Variants in CAMKK2 observed in about 807,000 individuals in gnomAD.
CAMKK2 encodes the protein calcium/calmodulin-dependent protein kinase kinase 2.
CAMKK2 carries 30 observed loss-of-function variants against 67.2 expected under a neutral mutation model. The ratio of observed to expected loss-of-function variants is 0.45; its 90% CI spans 0.33 to 0.61. CAMKK2 has a LOEUF of 0.61. Among genes scored for constraint, CAMKK2 ranks in the 20% least tolerant of loss-of-function variants. The pLI is 0.02. For synonymous variants in CAMKK2, 322 were observed against 326.2 expected (o/e 0.99, Z 0.14); for missense variants, 643 against 802.0 (o/e 0.80, Z 2.39).
At chr12:121,292,453 C>T (rs573245957) in intron 1 of CAMKK2, among the ~76,000 whole-genome samples, 1 of 152,244 alleles carries the variant, frequency 6.6e-6, no homozygotes, top group East Asian at 1.9e-4. Context: ...TAAAAAGAAG[C>T]CCTTACGAAT....
intron 1 of CAMKK2, among the ~76,000 whole-genome samples, chr12:121,280,258 A>G (rs1359237250): frequency 6.6e-6 from 1 of 152,252 alleles, no homozygotes; most frequent in Non-Finnish European, 1.5e-5. Context: ...CTTTACTGCA[A>G]TCTCTAAACA....
At position 121,285,621 on chromosome 12, in the gene CAMKK2, C is replaced by T. The variant is rs929214801; in HGVS notation, c.-60+11017G>A. ...CCCAGGAGTTTGAGACCAGCCTGGGCAACATGGCGAGACCTCATCGCTACA... is the reference window on the plus strand; with the variant it reads ...CCCAGGAGTTTGAGACCAGCCTGGGTAACATGGCGAGACCTCATCGCTACA... On this transcript the variant is annotated intron_variant, in intron 1 of 16. Transcript: ENST00000404169. This position sits in a 1 kb window ranked among gnomAD's most constrained non-coding sequence, Gnocchi z 4.1. Among the ~76,000 whole-genome samples, 7 of 152,002 alleles carry T rather than the reference C, an allele frequency of 4.6e-5. No homozygotes were observed. Among genetic ancestry groups the T allele is most frequent in the African/African-American group, 1.7e-4 (7 of 41,380 alleles).
At chr12:121,270,788 C>T in intron 3 of CAMKK2, 110 bp downstream of exon 3, 2 of 772,942 alleles carry the variant, frequency 2.6e-6, no homozygotes, top group Non-Finnish European at 4.4e-6. Flanking sequence ...TCTCCACCAA[C>T]CTCGCCTTCA....
intron 6 of CAMKK2, among the ~76,000 whole-genome samples, chr12:121,261,148 C>A (rs1417006794): frequency 2.0e-5 from 3 of 152,070 alleles, no homozygotes; most frequent in African/African-American, 7.2e-5. Context: ...CAGGCTACAT[C>A]CACCTTGATT....
At chr12:121,288,309 C>T (rs1899194186) in intron 1 of CAMKK2, among the ~76,000 whole-genome samples, 1 of 152,178 alleles carries the variant, frequency 6.6e-6, no homozygotes, top group African/African-American at 2.4e-5. Context: ...GGTGCCTGGG[C>T]TACCCACGGC....
chr12:121,248,528 T>C, intron 14 of CAMKK2, 78 bp downstream of exon 14: 1 of 1,562,346 alleles, frequency 6.4e-7, no homozygotes, highest in South Asian at 1.1e-5. Context: ...GGCACCCGCC[T>C]GTGTCCGGCC....
rs1159786192 is a variant in CAMKK2 at position 121,255,532 on chromosome 12, C to T, written c.907+18G>A. 1.3e-6 allele frequency: 2 copies of T among 1,598,284 alleles called. No homozygotes were observed. The highest frequency in any genetic ancestry group is 2.2e-5 in the East Asian group (1 of 44,668). ...TAACTACCCACTGGGTGAGAGCCCT[C>T]CCGCAGGCCCTGCTCACAGTACTCG... On this transcript the variant is annotated intron_variant, in intron 9 of 16. Coordinates refer to ENST00000404169, the MANE Select transcript of CAMKK2 (RefSeq NM_001270485.2).
chr12:121,242,046 C>T (rs376305791), intron 16 of CAMKK2, among the ~76,000 whole-genome samples: 2 of 152,056 alleles, frequency 1.3e-5, no homozygotes, highest in Non-Finnish European at 2.9e-5. Flanking sequence ...CTCATTGAAA[C>T]GAAGGCCGGG....
chr12:121,253,579 C>T lies in CAMKK2; in HGVS notation c.908-107G>A. ...CACAGGCATGGCACCCCTCTGATGC[C>T]TTGTCTCCCACAGCCCCAGGCCTTT... On this transcript the variant is annotated intron_variant, in intron 9 of 16. Transcript: ENST00000404169. This position sits in a 1 kb window ranked among gnomAD's most constrained non-coding sequence, Gnocchi z 5.0. 1 of 929,736 alleles carries T rather than the reference C, an allele frequency of 1.1e-6. No homozygotes were observed. Among genetic ancestry groups the T allele is most frequent in the South Asian group, 1.4e-5 (1 of 72,372 alleles). 57.6% of individuals were successfully genotyped at this position (929,736 alleles called of 1,614,324 possible). A position where few individuals can be genotyped will look rare whatever the true frequency, so the allele number is the denominator to read the frequency against.
chr12:121,288,701 G>A (rs1899300088), intron 1 of CAMKK2, among the ~76,000 whole-genome samples: 1 of 152,076 alleles, frequency 6.6e-6, no homozygotes, highest in South Asian at 2.1e-4. Context: ...CGTGGGCAGA[G>A]GGGCAACACC....
chr12:121,264,471 T>C (rs1894104475), intron 5 of CAMKK2, among the ~76,000 whole-genome samples: 1 of 151,996 alleles, frequency 6.6e-6, no homozygotes, highest in East Asian at 1.9e-4. Context: ...ACCCTGACTC[T>C]ATAAAAATCA....
intron 1 of CAMKK2, among the ~76,000 whole-genome samples, chr12:121,274,805 C>CTTTTTTTTTTTTTTTTTTTTTTTTTTT (rs140150523): frequency 7.5e-6 from 1 of 132,918 alleles, no homozygotes; most frequent in African/African-American, 2.8e-5. Flanking sequence ...CTTTTTTTTT[C>CTTTTTTTTTTTTTTTTTTTTTTTTTTT]TTTTTTTTTT....
At position 121,260,865 on chromosome 12, in the gene CAMKK2, A is replaced by G. The variant is rs963692740; in HGVS notation, c.760-510T>C. ...CTACTCAGGAGGCTGAGGCAGGAGA[A>G]TCGCTTGAACCTGGGAGGCAGAGGT... On this transcript the variant is annotated intron_variant, in intron 6 of 16. Transcript: ENST00000404169. 4.0e-5 allele frequency among the ~76,000 whole-genome samples: 6 copies of G among 151,744 alleles called. No homozygotes were observed. The East Asian group carries it at 1.2e-3, about 29-fold the overall frequency.
intron 1 of CAMKK2, among the ~76,000 whole-genome samples, chr12:121,293,415 T>A (rs1017164630): frequency 1.3e-5 from 2 of 152,122 alleles, no homozygotes; most frequent in African/African-American, 2.4e-5. Context: ...GAAGAAAGTA[T>A]GCTGGGGCGG....
chr12:121,269,691 G>A (rs994454025), intron 3 of CAMKK2, 110 bp from the exon 4 acceptor site: 24 of 797,332 alleles, frequency 3.0e-5, no homozygotes, highest in African/African-American at 5.2e-5. Flanking sequence ...AATCTGTCCC[G>A]CAACTGTATT....
At chr12:121,257,439 G>A (rs1479859168) in intron 7 of CAMKK2, among the ~76,000 whole-genome samples, 4 of 151,836 alleles carry the variant, frequency 2.6e-5, no homozygotes, top group Admixed American at 1.3e-4. Flanking sequence ...GTAAAGATGG[G>A]GTTTCACCGT....
intron 7 of CAMKK2, among the ~76,000 whole-genome samples, chr12:121,256,349 A>G (rs995312055): frequency 2.0e-5 from 3 of 152,208 alleles, no homozygotes; most frequent in African/African-American, 4.8e-5. Flanking sequence ...CCTGCACTCT[A>G]GCCTGGGCAA....
intron 1 of CAMKK2, among the ~76,000 whole-genome samples, chr12:121,287,523 C>CT (rs1898994955): frequency 6.6e-6 from 1 of 152,156 alleles, no homozygotes; most frequent in Admixed American, 6.5e-5. Flanking sequence ...CCCAGTGACC[C>CT]TTGAGGCCCT....
intron 7 of CAMKK2, among the ~76,000 whole-genome samples, chr12:121,258,111 G>A (rs966104637): frequency 5.4e-5 from 8 of 147,846 alleles, no homozygotes; most frequent in East Asian, 4.1e-4. Context: ...TGCAACCTCC[G>A]CTTCCCAGGT....
Sources: allele counts gnomAD v4.1 joint callset (sites outside exome capture counted in the v4.1 genomes callset), GRCh38; gene constraint gnomAD v4.1.1; non-coding constraint Gnocchi (gnomAD v3.1); transcripts MANE v1.5; gene names NCBI Gene and HGNC (gene_info 2026-07-23, HGNC 2026-07-21).